FXYD6: variants seen among roughly 807,000 people sequenced by gnomAD.
FXYD6 encodes FXYD domain-containing ion transport regulator 6.
In FXYD6, 7 loss-of-function variants were observed where a neutral mutation model predicts 16.7. That is an observed-to-expected ratio of 0.42 (90% CI 0.24 to 0.79). The LOEUF (loss-of-function observed/expected upper bound fraction) is 0.79, where lower values mean the gene tolerates loss of function less well. FXYD6 is among the 30% of genes least tolerant of loss of function. The pLI is 0.28. For synonymous variants in FXYD6, 49 were observed against 43.0 expected (o/e 1.14, Z -0.54); for missense variants, 111 against 116.2 (o/e 0.95, Z 0.21).
At chr11:117,865,252 G>A (rs1352058178) in intron 1 of FXYD6, among the ~76,000 whole-genome samples, 1 of 152,168 alleles carries the variant, frequency 6.6e-6, no homozygotes, top group Non-Finnish European at 1.5e-5. Flanking sequence ...TGGAACCACT[G>A]TGCACTGTTG....
rs374066858 is a variant in FXYD6 at position 117,841,346 on chromosome 11, T to TA, written c.173-163_173-162insT. ...GTGGCCCTCGGATGGGGTAGCTTCT[T>TA]CTGGGGCAAAGGAAATACATTCTAT... On this transcript the variant is annotated intron_variant, in intron 4 of 7. Transcript: ENST00000526014. Among the ~76,000 whole-genome samples, 151 of 152,222 alleles carry TA rather than the reference T, an allele frequency of 9.9e-4. 1 individual carries two copies. The highest frequency in any genetic ancestry group is 3.4e-3 in the African/African-American group (140 of 41,538).
At chr11:117,861,027 C>T (rs572022457) in intron 1 of FXYD6, among the ~76,000 whole-genome samples, 87 of 152,328 alleles carry the variant, frequency 5.7e-4, no homozygotes, top group Admixed American at 3.5e-3. Flanking sequence ...TCCTCTCTGC[C>T]ACTCAGTGGC....
chr11:117,855,492 C>T (rs760898256), intron 1 of FXYD6, among the ~76,000 whole-genome samples: 2 of 152,196 alleles, frequency 1.3e-5, no homozygotes, highest in African/African-American at 2.4e-5. Context: ...AGCTTGGCTT[C>T]CCTTCCATCT....
chr11:117,873,400 C>T (rs1291053059), intron 1 of FXYD6, among the ~76,000 whole-genome samples: 11 of 152,182 alleles, frequency 7.2e-5, no homozygotes, highest in Admixed American at 2.0e-4. Flanking sequence ...GTCTAAAATC[C>T]GAAAGGCTTT....
At chr11:117,862,673 G>A (rs1012585697) in intron 1 of FXYD6, among the ~76,000 whole-genome samples, 3 of 152,260 alleles carry the variant, frequency 2.0e-5, no homozygotes, top group East Asian at 1.9e-4. Context: ...CCCACAAAGG[G>A]CCCCTTCAGG....
intron 1 of FXYD6, among the ~76,000 whole-genome samples, chr11:117,864,622 T>C (rs1419104861): frequency 6.6e-6 from 1 of 152,154 alleles, no homozygotes; most frequent in East Asian, 1.9e-4. Flanking sequence ...AGTCTCACCC[T>C]GTTGCCCAGG....
chr11:117,869,211 G>GA (rs1452562843), intron 1 of FXYD6: 5 of 152,300 alleles, frequency 3.3e-5, no homozygotes, highest in African/African-American at 1.2e-4. Flanking sequence ...ACTGGCAAGG[G>GA]AAAGGACAGA....
At chr11:117,857,764 T>C (rs78808797) in intron 1 of FXYD6, among the ~76,000 whole-genome samples, 3 of 151,854 alleles carry the variant, frequency 2.0e-5, no homozygotes, top group South Asian at 4.2e-4. Flanking sequence ...GGGAGGAAAA[T>C]AGGGGGAGAG....
At chr11:117,868,914 T>C (rs1028436547) in intron 1 of FXYD6, 1 of 152,214 alleles carries the variant, frequency 6.6e-6, no homozygotes, top group Non-Finnish European at 1.5e-5. Flanking sequence ...CGGCATTTGA[T>C]GAATCTGTAA....
chr11:117,854,475 A>G (rs2056679483), intron 1 of FXYD6, among the ~76,000 whole-genome samples: 1 of 152,202 alleles, frequency 6.6e-6, no homozygotes, highest in South Asian at 2.1e-4. Flanking sequence ...CAAATCCATT[A>G]CACAAGCCAA....
chr11:117,838,437 C>T (rs2056250798), intron 7 of FXYD6, among the ~76,000 whole-genome samples, 160 bp from the exon 8 acceptor site: 2 of 152,118 alleles, frequency 1.3e-5, no homozygotes, highest in Admixed American at 1.3e-4. Flanking sequence ...GAGGGGTGAA[C>T]CTCAGAAGAA....
intron 1 of FXYD6, among the ~76,000 whole-genome samples, chr11:117,873,767 C>T (rs914509303): frequency 5.3e-5 from 8 of 151,830 alleles, no homozygotes; most frequent in African/African-American, 1.5e-4. Flanking sequence ...TGGACTCCCC[C>T]GAGGCTGTCG....
chr11:117,842,654 T>C, intron 2 of FXYD6, 65 bp downstream of exon 2: 5 of 1,505,622 alleles, frequency 3.3e-6, no homozygotes, highest in Non-Finnish European at 4.5e-6. Context: ...GCCCAGAACC[T>C]TCCAGCAGAG....
intron 1 of FXYD6, among the ~76,000 whole-genome samples, chr11:117,860,425 C>A (rs2056878417): frequency 6.6e-6 from 1 of 152,262 alleles, no homozygotes; most frequent in Non-Finnish European, 1.5e-5. Flanking sequence ...GCTCCCGCAT[C>A]TGGATGAACA....
At chr11:117,865,281 C>T (rs565248141) in intron 1 of FXYD6, among the ~76,000 whole-genome samples, 1 of 152,188 alleles carries the variant, frequency 6.6e-6, no homozygotes, top group East Asian at 1.9e-4. Context: ...GTAAAATGCA[C>T]AGCTGCCATG....
At chr11:117,862,328 C>T (rs964834280) in intron 1 of FXYD6, among the ~76,000 whole-genome samples, 1 of 152,200 alleles carries the variant, frequency 6.6e-6, no homozygotes, top group Admixed American at 6.5e-5. Flanking sequence ...CTCGGCTGCC[C>T]TGGGTGCCTC....
Position 117,840,344 on chromosome 11 carries a change from C to A in FXYD6, c.234G>T (p.Gln78His). 6.2e-7 allele frequency: 1 copy of A among 1,614,174 alleles called. No individual in the cohort carries two copies. The highest frequency in any genetic ancestry group is 1.1e-5 in the South Asian group (1 of 91,082). The change falls in exon 6 of 8, where the codon CAG becomes CAT. Residue 78 changes from glutamine to histidine, a missense_variant. Transcript: ENST00000526014. ...CATTGGCGGTGATGAGGTTCTCCAC[C>A]TGGGCTTCCTCATCTCCTGGGGCCC... Reference protein sequence around the residue: ...KPRAPGDEEAQVENLITANAT... With the variant: ...KPRAPGDEEAHVENLITANAT...
intron 1 of FXYD6, among the ~76,000 whole-genome samples, chr11:117,856,068 T>TC (rs780186083): frequency 1.3e-5 from 2 of 152,104 alleles, no homozygotes; most frequent in Non-Finnish European, 2.9e-5. Context: ...AAGCAGCACT[T>TC]CCATGTTAAT....
intron 2 of FXYD6, 86 bp from the exon 3 acceptor site, chr11:117,842,114 T>C (rs2056361243): frequency 1.3e-6 from 2 of 1,594,302 alleles, no homozygotes; most frequent in African/African-American, 2.7e-5. Flanking sequence ...GACCTCAGTC[T>C]CCACAAAGGA....
Sources: gnomAD v4.1 joint callset for allele counts (sites outside exome capture counted in the v4.1 genomes callset) on GRCh38, gnomAD v4.1.1 for gene constraint, MANE v1.5 for transcripts, NCBI Gene and HGNC (gene_info 2026-07-23, HGNC 2026-07-21) for gene names.